The following EEFSEC variants were observed in gnomAD, a reference collection of about 807,000 sequenced individuals.
EEFSEC encodes the protein eukaryotic elongation factor, selenocysteine-tRNA specific.
A neutral mutation model predicts 42.1 loss-of-function variants in EEFSEC; 43 were observed. The ratio of observed to expected loss-of-function variants is 1.02; its 90% CI spans 0.80 to 1.32. EEFSEC has a LOEUF of 1.32. Among genes scored for constraint, EEFSEC ranks in the 40% most tolerant of loss-of-function variants. The pLI is 0.00. For synonymous variants in EEFSEC, 354 were observed against 339.1 expected, an observed-to-expected ratio of 1.04 and a Z score of -0.48; for missense variants, 745 against 803.6, an observed-to-expected ratio of 0.93 and a Z score of 0.88.
chr3:128,393,800 T>C (rs2067945878), intron 6 of EEFSEC, among the ~76,000 whole-genome samples: 1 of 151,954 alleles, frequency 6.6e-6, no homozygotes, highest in Non-Finnish European at 1.5e-5. Flanking sequence ...CAGTGGGAGG[T>C]ACTGAGGGCT....
chr3:128,218,344 T>C (rs2065830444), intron 1 of EEFSEC, among the ~76,000 whole-genome samples: 1 of 152,210 alleles, frequency 6.6e-6, no homozygotes, highest in Non-Finnish European at 1.5e-5. Context: ...CTTTCTTCAT[T>C]GTTGCCAGAA....
At chr3:128,203,395 A>G (rs564031454) in intron 1 of EEFSEC, among the ~76,000 whole-genome samples, 7 of 152,330 alleles carry the variant, frequency 4.6e-5, no homozygotes, top group East Asian at 1.9e-4. Context: ...ACCTGGGCAG[A>G]GGAAGATGAT....
intron 1 of EEFSEC, among the ~76,000 whole-genome samples, chr3:128,241,424 TG>T (rs762632061): frequency 6.6e-6 from 1 of 152,138 alleles, no homozygotes; most frequent in Non-Finnish European, 1.5e-5. Flanking sequence ...TGCCCCATGC[TG>T]GTCTCAAACT....
intron 1 of EEFSEC, among the ~76,000 whole-genome samples, chr3:128,157,760 G>T (rs948538815): frequency 6.6e-6 from 1 of 152,148 alleles, no homozygotes; most frequent in Non-Finnish European, 1.5e-5. Flanking sequence ...TCACCTAATG[G>T]CTCTGATGGA....
intron 3 of EEFSEC, among the ~76,000 whole-genome samples, chr3:128,263,425 A>G (rs2066319560): frequency 6.6e-6 from 1 of 152,202 alleles, no homozygotes; most frequent in Non-Finnish European, 1.5e-5. Flanking sequence ...ACACGTGCTG[A>G]TCTTGTCAGC....
At chr3:128,243,674 G>A (rs1193677809) in intron 1 of EEFSEC, among the ~76,000 whole-genome samples, 1 of 152,180 alleles carries the variant, frequency 6.6e-6, no homozygotes, top group South Asian at 2.1e-4. Flanking sequence ...TGGGGCAGGT[G>A]TTCTGGGCAA....
intron 1 of EEFSEC, among the ~76,000 whole-genome samples, chr3:128,170,422 C>CTTG: frequency 7.0e-6 from 1 of 143,104 alleles, no homozygotes; most frequent in Admixed American, 7.0e-5. Context: ...ATTAGCCATG[C>CTTG]GTGTGTAATC....
At chr3:128,365,590 C>A (rs2067581182) in intron 6 of EEFSEC, among the ~76,000 whole-genome samples, 1 of 152,146 alleles carries the variant, frequency 6.6e-6, no homozygotes, top group Non-Finnish European at 1.5e-5. Flanking sequence ...CCCTCACCTG[C>A]CAGCCCTTCC....
chr3:128,253,229 G>T (rs748245583), intron 2 of EEFSEC, among the ~76,000 whole-genome samples: 2 of 152,202 alleles, frequency 1.3e-5, no homozygotes, highest in East Asian at 1.9e-4. Context: ...CCCCATGCAC[G>T]TTCCTACAAC....
chr3:128,205,739 C>A (rs1576544044), intron 1 of EEFSEC, among the ~76,000 whole-genome samples: 1 of 152,158 alleles, frequency 6.6e-6, no homozygotes, highest in African/African-American at 2.4e-5. Flanking sequence ...TATCTTGAAT[C>A]CTCATCCCAC....
rs540702423 is a variant in EEFSEC, at chr3:128,391,421, T to A, written c.1601-16648T>A. On this transcript the variant is annotated intron_variant, in intron 6 of 6. Coordinates refer to ENST00000254730, the MANE Select transcript of EEFSEC (RefSeq NM_021937.5). Reference sequence around the variant, plus strand: ...TTGACCACCAAAGGTGTTTCCAACCTCGAGGTTCTGGGCCCTGGCTGGTGA... The same window carrying A: ...TTGACCACCAAAGGTGTTTCCAACCACGAGGTTCTGGGCCCTGGCTGGTGA... Among the ~76,000 whole-genome samples, 4 of 152,300 alleles carry A rather than the reference T, an allele frequency of 2.6e-5. No individual in the cohort carries two copies. In the East Asian group the frequency reaches 7.7e-4, roughly 29 times the overall value.
chr3:128,420,909 C>T, the EEFSEC span, among the ~76,000 whole-genome samples: 14 of 152,250 alleles, frequency 9.2e-5, no homozygotes, highest in Admixed American at 2.6e-4. Flanking sequence ...CCAGAAGCGG[C>T]GGCCCTTGCA....
intron 1 of EEFSEC, among the ~76,000 whole-genome samples, chr3:128,204,339 G>T (rs2065671452): frequency 6.6e-6 from 1 of 152,164 alleles, no homozygotes; most frequent in Non-Finnish European, 1.5e-5. Flanking sequence ...TTAACACAAA[G>T]CCTGTTGCAT....
downstream of EEFSEC, among the ~76,000 whole-genome samples, chr3:128,411,527 T>C (rs1042839626): frequency 1.3e-5 from 2 of 151,920 alleles, no homozygotes; most frequent in South Asian, 4.2e-4. Flanking sequence ...CCCTCTGGGG[T>C]CCTCTGTGGG....
chr3:128,401,666 T>C (rs1191478810), intron 6 of EEFSEC, among the ~76,000 whole-genome samples: 3 of 152,088 alleles, frequency 2.0e-5, no homozygotes, highest in Non-Finnish European at 4.4e-5. Flanking sequence ...AGAAAGAGAA[T>C]AGACGCTTCT....
chr3:128,329,728 C>T (rs370796540), intron 4 of EEFSEC, among the ~76,000 whole-genome samples: 26 of 152,288 alleles, frequency 1.7e-4, no homozygotes, highest in African/African-American at 6.3e-4. Context: ...AGCCAGATGG[C>T]CACAGGCCTG....
At chr3:128,373,971 G>A (rs1391010371) in intron 6 of EEFSEC, among the ~76,000 whole-genome samples, 3 of 152,220 alleles carry the variant, frequency 2.0e-5, no homozygotes, top group African/African-American at 7.2e-5. Context: ...GGCTGGGAAG[G>A]GCTCATGGTC....
chr3:128,359,560 T>C (rs1376124081), intron 6 of EEFSEC, among the ~76,000 whole-genome samples: 2 of 152,174 alleles, frequency 1.3e-5, no homozygotes, highest in Middle Eastern at 3.2e-3. Context: ...CTGTCCTTTA[T>C]CTCCTGTACA....
chr3:128,298,389 C>T (rs1412793849), intron 4 of EEFSEC, among the ~76,000 whole-genome samples: 2 of 152,178 alleles, frequency 1.3e-5, no homozygotes, highest in African/African-American at 4.8e-5. Flanking sequence ...CTCAAGCAAT[C>T]CTTCTGCCTC....
Sources: allele counts gnomAD v4.1 joint callset (sites outside exome capture counted in the v4.1 genomes callset), GRCh38; gene constraint gnomAD v4.1.1; transcripts MANE v1.5; gene names NCBI Gene and HGNC (gene_info 2026-07-23, HGNC 2026-07-21).